SEMA6A: variants seen among roughly 807,000 people sequenced by gnomAD.
The protein encoded by SEMA6A is semaphorin 6A.
A neutral mutation model predicts 96.8 loss-of-function variants in SEMA6A; 25 were observed. That is an observed-to-expected ratio of 0.26 (90% CI 0.19 to 0.36). The LOEUF (loss-of-function observed/expected upper bound fraction) is 0.36, where lower values mean the gene tolerates loss of function less well. SEMA6A is among the 10% of genes least tolerant of loss of function. The pLI is 1.00. For synonymous variants in SEMA6A, 612 were observed against 518.0 expected, an observed-to-expected ratio of 1.18 and a Z score of -2.46; for missense variants, 1,363 against 1,323.1, an observed-to-expected ratio of 1.03 and a Z score of -0.47.
chr5:116,446,682 CG>C lies in SEMA6A; in HGVS notation c.3023del (p.Pro1008ArgfsTer16). On this transcript the variant is annotated frameshift_variant, in exon 19 of 19. Transcript: ENST00000343348. LOFTEE classifies it high-confidence loss of function. The stretch of plus-strand genomic sequence containing the variant: ...CAAAGGATGGTTTGGGGGGTACGTC[CG>C]GCTTTAGCGAGGGCGTACGCTTCAG... The part of the protein sequence containing the change: ...SGLKRTPSLK[P>X]DVPPKPSFAP... 1 of 1,565,368 alleles carries C rather than the reference CG, an allele frequency of 6.4e-7. No homozygotes were observed. The highest frequency in any genetic ancestry group is 8.7e-7 in the Non-Finnish European group (1 of 1,154,364).
intron 1 of SEMA6A, among the ~76,000 whole-genome samples, chr5:116,538,345 A>G (rs1759817393): frequency 6.6e-6 from 1 of 152,176 alleles, no homozygotes; most frequent in African/African-American, 2.4e-5. Flanking sequence ...TGTCTTCCTC[A>G]AAACAATTTA....
rs1301334370 is a variant in SEMA6A at position 116,446,988 on chromosome 5, C to T, written c.2718G>A (p.Met906Ile). ...CAACCCCGTAGGAAGAGGAGTGGTG[C>T]ATTTCCAGCCGCTTGCTTAGACCGG... ...SQTGLSKRLEMHHSSSYGVDY... is the reference protein window; with the variant it reads ...SQTGLSKRLEIHHSSSYGVDY... Residue 906 changes from methionine (M) to isoleucine (I), a missense_variant, in exon 19 of 19, where the codon ATG becomes ATA. Around this residue, in one of 2 missense-constraint regions of SEMA6A, gnomAD observed 883 missense variants for 763.6 expected, o/e 1.16. Coordinates refer to ENST00000343348, the MANE Select transcript of SEMA6A (RefSeq NM_020796.5). 1.2e-6 allele frequency: 2 copies of T among 1,613,904 alleles called. No homozygotes were observed. Among genetic ancestry groups the T allele is most frequent in the Non-Finnish European group, 1.7e-6 (2 of 1,179,874 alleles).
chr5:116,488,770 G>T, intron 8 of SEMA6A, 118 bp downstream of exon 8: 1 of 1,227,054 alleles, frequency 8.1e-7, no homozygotes, highest in Non-Finnish European at 1.1e-6. Context: ...ACATGTTTCT[G>T]TCTGTCAGAA....
In SEMA6A at chr5:116,482,455, A is replaced by T; in HGVS notation, c.1083T>A (p.Val361=). The T allele has an allele frequency of 6.2e-7, 1 of 1,613,236 alleles. No homozygotes were observed. Among genetic ancestry groups the T allele is most frequent in the Non-Finnish European group, 8.5e-7 (1 of 1,179,522 alleles). The change falls in exon 11 of 19, where the codon GTT becomes GTA. Residue 361 remains valine, a synonymous_variant. Coordinates refer to ENST00000343348, the MANE Select transcript of SEMA6A (RefSeq NM_020796.5). ...ATATTTGCACATACCTGGGCTTAGG[A>T]ACTCGTTCATCAGGAACTGGTGTCC... ...STWTPVPDER[V]PKPRPGCCAG... is the part of the protein sequence containing the mutation.
rs185809580 is a variant in SEMA6A, at chr5:116,519,761, C to T, written c.-38-14779G>A. Among the ~76,000 whole-genome samples, 13 of 152,152 alleles carry T rather than the reference C, an allele frequency of 8.5e-5. No individual in the cohort carries two copies. The East Asian group carries it at 2.3e-3, about 27-fold the overall frequency. ...ACTGTGAGTTAAGAGGACCAAGAGA[C>T]GTAATATCCAAGTATGGATTCTATT... On this transcript the variant is annotated intron_variant, in intron 1 of 18. Coordinates refer to ENST00000343348, the MANE Select transcript of SEMA6A (RefSeq NM_020796.5).
At chr5:116,564,035 G>A (rs189288543) in intron 1 of SEMA6A, among the ~76,000 whole-genome samples, 2 of 152,266 alleles carry the variant, frequency 1.3e-5, no homozygotes, top group Non-Finnish European at 2.9e-5. Context: ...CTAGAAGCCC[G>A]GTGAAACCAG....
At chr5:116,519,000 TAA>T (rs58048781) in intron 1 of SEMA6A, among the ~76,000 whole-genome samples, 4 of 146,230 alleles carry the variant, frequency 2.7e-5, no homozygotes, top group South Asian at 2.2e-4. Flanking sequence ...TCCTAAGAGT[TAA>T]AAAAAAAAAA....
chr5:116,487,071 T>TAAAA, intron 9 of SEMA6A, 105 bp from the exon 10 acceptor site: 1 of 730,464 alleles, frequency 1.4e-6, no homozygotes, highest in Admixed American at 2.7e-5. Flanking sequence ...ACAAGGTGCT[T>TAAAA]AATACTGTTT....
At chr5:116,558,385 A>G (rs1194074660) in intron 1 of SEMA6A, among the ~76,000 whole-genome samples, 3 of 152,062 alleles carry the variant, frequency 2.0e-5, no homozygotes, top group Admixed American at 6.5e-5. Context: ...TGCTGCACCT[A>G]TCAATCCATC....
chr5:116,474,066 T>C (rs879317552), intron 16 of SEMA6A, among the ~76,000 whole-genome samples: 48 of 152,292 alleles, frequency 3.2e-4, no homozygotes, highest in Admixed American at 1.8e-3. Context: ...TTCTTCTGCC[T>C]GAGAACACAG....
intron 17 of SEMA6A, chr5:116,472,871 A>G (rs1416087567): frequency 6.8e-7 from 1 of 1,473,534 alleles, no homozygotes; most frequent in Non-Finnish European, 8.9e-7. Context: ...AAAAAAAAAA[A>G]TCCGTAAACT....
rs1259522070 is a variant in SEMA6A, at chr5:116,446,952, C to T, written c.2754G>A (p.Arg918=). The change falls in exon 19 of 19, where the codon AGG becomes AGA. Residue 918 remains arginine, a synonymous_variant. Transcript: ENST00000343348. ...TCGTGAGCGAGTTCGTGGGGTAGCT[C>T]CTCTTATAGTCAACCCCGTAGGAAG... The part of the protein sequence containing the change: ...HSSSYGVDYK[R]SYPTNSLTRS... 1.9e-6 allele frequency: 3 copies of T among 1,613,922 alleles called. No homozygotes were observed. In the East Asian group the frequency reaches 6.7e-5, roughly 36 times the overall value.
chr5:116,547,755 A>AC (rs1160954955), intron 1 of SEMA6A, among the ~76,000 whole-genome samples: 1 of 151,060 alleles, frequency 6.6e-6, no homozygotes, highest in Admixed American at 6.6e-5. Context: ...AAAAAAAAAA[A>AC]AAAAGCCAAA....
At chr5:116,497,013 A>G (rs1176169700) in intron 4 of SEMA6A, among the ~76,000 whole-genome samples, 2 of 152,282 alleles carry the variant, frequency 1.3e-5, no homozygotes, top group Admixed American at 6.5e-5. Context: ...TTTGTGGAAC[A>G]AAATTTTACT....
At chr5:116,482,072 A>G (rs373676278) in intron 11 of SEMA6A, among the ~76,000 whole-genome samples, 1 of 152,086 alleles carries the variant, frequency 6.6e-6, no homozygotes, top group African/African-American at 2.4e-5. Context: ...ATGGGTCTCT[A>G]TAAAATTGAA....
At chr5:116,535,654 G>A (rs1386296461) in intron 1 of SEMA6A, among the ~76,000 whole-genome samples, 1 of 152,182 alleles carries the variant, frequency 6.6e-6, no homozygotes, top group Admixed American at 6.5e-5. Context: ...AACAGGCTAA[G>A]ACTGAGCTGA....
At chr5:116,515,666 C>G (rs1758636607) in intron 1 of SEMA6A, among the ~76,000 whole-genome samples, 1 of 152,160 alleles carries the variant, frequency 6.6e-6, no homozygotes. Flanking sequence ...GGACGACTCT[C>G]CCTAATAATT....
rs1280441695 is a variant in SEMA6A at position 116,542,422 on chromosome 5, A to G, written c.-39+31763T>C. Among the ~76,000 whole-genome samples, 3 of 152,098 alleles carry G rather than the reference A, an allele frequency of 2.0e-5. No homozygotes were observed. In the East Asian group the frequency reaches 5.8e-4, roughly 29 times the overall value. On this transcript the variant is annotated intron_variant, in intron 1 of 18. Coordinates refer to ENST00000343348, the MANE Select transcript of SEMA6A (RefSeq NM_020796.5). ...TCCCTCCCCGACCTTTTACAGGCATATATCATTTTTAATACCCTTTTCTAA... is the reference window on the plus strand; with the variant it reads ...TCCCTCCCCGACCTTTTACAGGCATGTATCATTTTTAATACCCTTTTCTAA...
At chr5:116,484,646 A>AATG (rs1402601795) in intron 10 of SEMA6A, among the ~76,000 whole-genome samples, 1 of 152,116 alleles carries the variant, frequency 6.6e-6, no homozygotes, top group Non-Finnish European at 1.5e-5. Flanking sequence ...TAATAATAAT[A>AATG]ATAACAAAAA....
Sources: gnomAD v4.1 joint callset for allele counts (sites outside exome capture counted in the v4.1 genomes callset) on GRCh38, gnomAD v4.1.1 for gene constraint, gnomAD v4.1.1 regional missense constraint, MANE v1.5 for transcripts, NCBI Gene and HGNC (gene_info 2026-07-23, HGNC 2026-07-21) for gene names.